UPK1B: variants seen among roughly 807,000 people sequenced by gnomAD.
UPK1B encodes the protein uroplakin 1B.
In UPK1B, 28 loss-of-function variants were observed where a neutral mutation model predicts 34.2. That is an observed-to-expected ratio of 0.82 (90% CI 0.61 to 1.12). The LOEUF (loss-of-function observed/expected upper bound fraction) is 1.12. UPK1B is among the 50% of genes most tolerant of loss of function. UPK1B has a pLI of 0.00. For missense variants in UPK1B, 325 were observed against 320.9 expected (o/e 1.01, Z -0.10); for synonymous variants, 81 against 110.4 (o/e 0.73, Z 1.67).
At chr3:119,199,256 G>A in intron 7 of UPK1B, 116 bp downstream of exon 7, 1 of 1,200,714 alleles carries the variant, frequency 8.3e-7, no homozygotes, top group Non-Finnish European at 1.2e-6. Flanking sequence ...CCTCAGGCCT[G>A]AAGGCTAGTC....
chr3:119,194,262 A>G lies in UPK1B; in HGVS notation c.512A>G (p.Tyr171Cys). Residue 171 changes from tyrosine to cysteine, a missense_variant, in exon 6 of 8, where the codon TAC becomes TGC. Tyr to Cys is a radical substitution (Grantham distance 194). Transcript: ENST00000264234. Reference sequence around the variant, plus strand: ...AATGGTCCATCAGACTGGCAAAAATACACATCTGCCTTCCGGACTGAGAAT... The same window carrying G: ...AATGGTCCATCAGACTGGCAAAAATGCACATCTGCCTTCCGGACTGAGAAT... ...GVNGPSDWQK[Y>C]TSAFRTENND... The G allele has an allele frequency of 6.2e-7, 1 of 1,614,102 alleles. No individual in the cohort carries two copies. Among genetic ancestry groups the G allele is most frequent in the Non-Finnish European group, 8.5e-7 (1 of 1,179,948 alleles).
At chr3:119,194,973 T>C (rs1302636859) in intron 6 of UPK1B, among the ~76,000 whole-genome samples, 1 of 152,240 alleles carries the variant, frequency 6.6e-6, no homozygotes, top group Admixed American at 6.5e-5. Context: ...TAACATTTAT[T>C]GTGTACTTAC....
At chr3:119,190,864 A>C (rs2078040791) in intron 4 of UPK1B, 118 bp from the exon 5 acceptor site, 2 of 1,421,482 alleles carry the variant, frequency 1.4e-6, no homozygotes, top group Non-Finnish European at 1.9e-6. Context: ...CTCTGAGTAC[A>C]GTTTTGCTCC....
At chr3:119,198,919 A>C in intron 6 of UPK1B, 138 bp from the exon 7 acceptor site, 11 of 837,742 alleles carry the variant, frequency 1.3e-5, no homozygotes, top group Non-Finnish European at 1.9e-5. Flanking sequence ...GGCTGTCCTC[A>C]GAGATGTGGA....
intron 3 of UPK1B, among the ~76,000 whole-genome samples, chr3:119,188,628 A>G (rs1482039251): frequency 6.6e-6 from 1 of 152,190 alleles, no homozygotes; most frequent in African/African-American, 2.4e-5. Context: ...TCTGCCCCAA[A>G]CCATAGACAG....
intron 7 of UPK1B, among the ~76,000 whole-genome samples, chr3:119,202,469 T>C (rs1300075036): frequency 1.3e-5 from 2 of 152,204 alleles, no homozygotes; most frequent in Non-Finnish European, 2.9e-5. Flanking sequence ...TGATGCATAA[T>C]AAGGTATTCT....
At chr3:119,182,006 G>C (rs1335521426) in intron 1 of UPK1B, among the ~76,000 whole-genome samples, 2 of 152,252 alleles carry the variant, frequency 1.3e-5, no homozygotes, top group Non-Finnish European at 2.9e-5. Flanking sequence ...AGAGGCCTTA[G>C]AGCTGGCCAA....
intron 4 of UPK1B, among the ~76,000 whole-genome samples, chr3:119,190,754 A>G (rs568443807): frequency 1.3e-5 from 2 of 152,196 alleles, no homozygotes; most frequent in East Asian, 3.9e-4. Context: ...AAGCCACCCT[A>G]CAGTATGTGT....
intron 4 of UPK1B, among the ~76,000 whole-genome samples, chr3:119,190,578 C>T (rs999048092): frequency 6.6e-6 from 1 of 152,224 alleles, no homozygotes; most frequent in Non-Finnish European, 1.5e-5. Flanking sequence ...GAATTCTGAA[C>T]CCAGATGGCC....
At chr3:119,193,562 G>A (rs1280891717) in intron 5 of UPK1B, among the ~76,000 whole-genome samples, 2 of 152,102 alleles carry the variant, frequency 1.3e-5, no homozygotes, top group East Asian at 1.9e-4. Context: ...ACATAGCTCT[G>A]TGTCACCAGG....
At chr3:119,200,459 C>T (rs887013195) in intron 7 of UPK1B, among the ~76,000 whole-genome samples, 2 of 152,220 alleles carry the variant, frequency 1.3e-5, no homozygotes, top group African/African-American at 4.8e-5. Flanking sequence ...GTTTGTCTTG[C>T]ACTTTGCATA....
intron 1 of UPK1B, among the ~76,000 whole-genome samples, chr3:119,179,901 C>T (rs1452601081): frequency 1.4e-5 from 2 of 144,024 alleles, no homozygotes; most frequent in African/African-American, 5.3e-5. Context: ...CCCGTTCAAG[C>T]GATTCTCCCG....
chr3:119,175,711 C>G (rs2077953961), intron 1 of UPK1B, among the ~76,000 whole-genome samples: 1 of 152,122 alleles, frequency 6.6e-6, no homozygotes, highest in South Asian at 2.1e-4. Flanking sequence ...CACCAGGAAT[C>G]AAGAGCAGTG....
intron 1 of UPK1B, among the ~76,000 whole-genome samples, chr3:119,184,869 T>C (rs1043768491): frequency 1.3e-5 from 2 of 152,374 alleles, no homozygotes; most frequent in African/African-American, 2.4e-5. Context: ...GCTTCTGTTA[T>C]CTGAACTCCT....
intron 2 of UPK1B, 70 bp from the exon 3 acceptor site, chr3:119,187,705 C>G: frequency 2.0e-6 from 3 of 1,515,692 alleles, no homozygotes; most frequent in Non-Finnish European, 1.8e-6. Context: ...GTCACTCTTA[C>G]CTTCCCCACC....
chr3:119,194,544 T>C, intron 6 of UPK1B, 146 bp downstream of exon 6: 1 of 802,256 alleles, frequency 1.2e-6, no homozygotes, highest in Non-Finnish European at 1.8e-6. Flanking sequence ...CCTTCTCTGT[T>C]AATAAACTGC....
At chr3:119,174,114 C>T (rs1182078005) in intron 1 of UPK1B, among the ~76,000 whole-genome samples, 1 of 152,180 alleles carries the variant, frequency 6.6e-6, no homozygotes, top group Non-Finnish European at 1.5e-5. Flanking sequence ...GTTTCTTGGT[C>T]TTCTTGTCAG....
intron 6 of UPK1B, among the ~76,000 whole-genome samples, chr3:119,197,203 A>AAT (rs923517083): frequency 5.3e-5 from 8 of 152,114 alleles, no homozygotes; most frequent in Non-Finnish European, 1.0e-4. Flanking sequence ...GTCAGATGCA[A>AAT]ATATATATAT....
intron 6 of UPK1B, among the ~76,000 whole-genome samples, chr3:119,198,836 C>G (rs1337066467): frequency 2.6e-5 from 4 of 152,176 alleles, no homozygotes; most frequent in Admixed American, 2.0e-4. Context: ...GATAAAGACA[C>G]AAATAAATGT....
Sources: gnomAD v4.1 joint callset for allele counts (sites outside exome capture counted in the v4.1 genomes callset) on GRCh38, gnomAD v4.1.1 for gene constraint, MANE v1.5 for transcripts, NCBI Gene and HGNC (gene_info 2026-07-23, HGNC 2026-07-21) for gene names.